The following MPDZ variants were observed in gnomAD, a reference collection of about 807,000 sequenced individuals.
MPDZ encodes multiple PDZ domain crumbs cell polarity complex component.
MPDZ carries 234 observed loss-of-function variants against 239.1 expected under a neutral mutation model. The observed-to-expected ratio is 0.98, with a 90% CI of 0.88 to 1.09. The LOEUF is 1.09. MPDZ is among the 50% of genes least tolerant of loss of function. MPDZ has a pLI of 0.00. For synonymous variants in MPDZ, 1,048 were observed against 881.3 expected (o/e 1.19, Z -3.35); for missense variants, 3,175 against 2,510.0 (o/e 1.26, Z -5.66).
At chr9:13,235,265 G>A (rs147101301) in intron 3 of MPDZ, among the ~76,000 whole-genome samples, 62 of 152,280 alleles carry the variant, frequency 4.1e-4, no homozygotes, top group African/African-American at 1.4e-3. Context: ...GTAGCTCCTA[G>A]CTCCTGAACT....
chr9:13,153,626 C>G (rs1367461664), intron 24 of MPDZ, among the ~76,000 whole-genome samples: 1 of 152,042 alleles, frequency 6.6e-6, no homozygotes, highest in Non-Finnish European at 1.5e-5. Context: ...GCATGAGCCA[C>G]CACAACTGTC....
At chr9:13,257,645 CAAT>C (rs1969752069) in intron 1 of MPDZ, among the ~76,000 whole-genome samples, 1 of 152,274 alleles carries the variant, frequency 6.6e-6, no homozygotes, top group East Asian at 1.9e-4. Flanking sequence ...TTTTCAAAGA[CAAT>C]GATAGTGGGA....
In MPDZ at chr9:13,237,511, G is replaced by A. The variant is rs1436465625; in HGVS notation, c.183+10124C>T. Among the ~76,000 whole-genome samples, 6 of 144,692 alleles carry A rather than the reference G, an allele frequency of 4.1e-5. No individual in the cohort carries two copies. In the East Asian group the frequency reaches 1.3e-3, roughly 30 times the overall value. The allele number at this position is 144,692 out of a possible 152,430, so 94.9% of individuals were successfully genotyped here. On this transcript the variant is annotated intron_variant, in intron 3 of 46. Transcript: ENST00000319217. ...GTTTATGCTGCATAATAAATTCAAT[G>A]ATTGTCTCACAGAAAACACTAATTT...
intron 10 of MPDZ, among the ~76,000 whole-genome samples, chr9:13,210,584 G>A (rs1057002837): frequency 6.6e-6 from 1 of 152,126 alleles, no homozygotes; most frequent in African/African-American, 2.4e-5. Context: ...TGCTTTGACA[G>A]TGGAGCCAGA....
rs763409793 is a variant in MPDZ at position 13,176,300 on chromosome 9, T to C, written c.2767A>G (p.Met923Val). Residue 923 changes from methionine (M) to valine (V), a missense_variant, in exon 20 of 47, where the codon ATG (methionine) becomes GTG (valine). Met to Val is a conservative substitution (Grantham distance 21). Coordinates refer to ENST00000319217, the MANE Select transcript of MPDZ (RefSeq NM_001378778.1). ...DENTPSVDIS[M>V]GPASGFTIND... ...ATAGTAAAGCCAGAAGCAGGCCCCATACTTATGTCCACCGAAGGTGTATTC... is the reference window on the plus strand; with the variant it reads ...ATAGTAAAGCCAGAAGCAGGCCCCACACTTATGTCCACCGAAGGTGTATTC... The C allele has an allele frequency of 1.8e-5, 29 of 1,610,356 alleles. No individual in the cohort carries two copies. In the East Asian group the frequency reaches 6.3e-4, roughly 35 times the overall value.
At chr9:13,201,800 A>T (rs1204940382) in intron 12 of MPDZ, among the ~76,000 whole-genome samples, 1 of 152,168 alleles carries the variant, frequency 6.6e-6, no homozygotes, top group African/African-American at 2.4e-5. Flanking sequence ...AGATACAAAG[A>T]TAAAAATAAA....
At chr9:13,131,711 A>T (rs1048478140) in intron 32 of MPDZ, among the ~76,000 whole-genome samples, 2 of 152,180 alleles carry the variant, frequency 1.3e-5, no homozygotes, top group African/African-American at 4.8e-5. Context: ...TAGAGGGTGG[A>T]TGCTGGGATC....
rs149204650 is a variant in MPDZ at position 13,174,618 on chromosome 9, A to T, written c.3055+1134T>A. Among the ~76,000 whole-genome samples, 969 of 152,302 alleles carry T rather than the reference A, an allele frequency of 6.4e-3. 27 individuals carry two copies. The South Asian group carries it at 0.08, about 13-fold the overall frequency. ...GAACTCATTTATAACTCCTATTAAC[A>T]TCCTACAAAACTAGTATTTTGAGTA... On this transcript the variant is annotated intron_variant, in intron 21 of 46. Transcript: ENST00000319217.
intron 3 of MPDZ, among the ~76,000 whole-genome samples, chr9:13,225,969 A>G (rs1186127469): frequency 6.6e-6 from 1 of 152,092 alleles, no homozygotes; most frequent in African/African-American, 2.4e-5. Context: ...CATGAGTTTA[A>G]CAGATTTCAG....
In MPDZ at chr9:13,224,235, A is replaced by C. The variant is rs1587928418; in HGVS notation, c.393+139T>G. 20 of 719,980 alleles carry C rather than the reference A, an allele frequency of 2.8e-5. No homozygotes were observed. The East Asian group carries it at 5.3e-4, about 19-fold the overall frequency. 44.6% of individuals were successfully genotyped at this position (719,980 alleles called of 1,614,324 possible). A position where few individuals can be genotyped will look rare whatever the true frequency, so the allele number is the denominator to read the frequency against. On this transcript the variant is annotated intron_variant, in intron 4 of 46. Transcript: ENST00000319217. The stretch of plus-strand genomic sequence containing the variant: ...AATAGAAAACGTCTGAACCATCTAA[A>C]CTCCCACAAAACTGACTTTTTGTTC...
chr9:13,180,197 CAAT>C, intron 19 of MPDZ, among the ~76,000 whole-genome samples: 1 of 152,098 alleles, frequency 6.6e-6, no homozygotes, highest in Non-Finnish European at 1.5e-5. Flanking sequence ...GATGTGAAGG[CAAT>C]AATATTTTAT....
chr9:13,169,366 T>C (rs1951495307), intron 21 of MPDZ, among the ~76,000 whole-genome samples: 1 of 152,106 alleles, frequency 6.6e-6, no homozygotes, highest in African/African-American at 2.4e-5. Flanking sequence ...TTTGGTAAAT[T>C]GCACTACCAC....
intron 24 of MPDZ, among the ~76,000 whole-genome samples, chr9:13,155,938 A>G (rs373431715): frequency 6.6e-6 from 1 of 152,320 alleles, no homozygotes; most frequent in East Asian, 1.9e-4. Context: ...TAAGGTTGTT[A>G]GCACCTTTAG....
intron 24 of MPDZ, among the ~76,000 whole-genome samples, chr9:13,152,216 G>A (rs962141818): frequency 1.3e-5 from 2 of 152,124 alleles, no homozygotes; most frequent in Middle Eastern, 3.2e-3. Flanking sequence ...GTCACTAACA[G>A]TCAAGACATG....
chr9:13,231,453 G>C (rs1962431887), intron 3 of MPDZ, among the ~76,000 whole-genome samples: 3 of 152,062 alleles, frequency 2.0e-5, no homozygotes, highest in Non-Finnish European at 4.4e-5. Flanking sequence ...CATAATCTCA[G>C]CTACTTGGGA....
At chr9:13,225,761 C>A (rs751229545) in intron 3 of MPDZ, among the ~76,000 whole-genome samples, 1 of 151,986 alleles carries the variant, frequency 6.6e-6, no homozygotes, top group Non-Finnish European at 1.5e-5. Flanking sequence ...GTATACCCTA[C>A]GATGTTTGCA....
chr9:13,254,586 G>C (rs1968957709), intron 1 of MPDZ, among the ~76,000 whole-genome samples: 1 of 152,050 alleles, frequency 6.6e-6, no homozygotes, highest in Non-Finnish European at 1.5e-5. Context: ...AAAAAAACAT[G>C]GTACAAGCAT....
intron 22 of MPDZ, among the ~76,000 whole-genome samples, chr9:13,166,146 T>C (rs1951049303): frequency 6.6e-6 from 1 of 152,104 alleles, no homozygotes; most frequent in Non-Finnish European, 1.5e-5. Flanking sequence ...GAGATGTGGA[T>C]GGAGCCTAGA....
At chr9:13,253,316 T>A (rs1372830754) in intron 1 of MPDZ, among the ~76,000 whole-genome samples, 7 of 152,092 alleles carry the variant, frequency 4.6e-5, no homozygotes, top group African/African-American at 1.7e-4. Flanking sequence ...TTTTCTATGC[T>A]TGGATGTCCC....
Sources: gnomAD v4.1 joint callset for allele counts (sites outside exome capture counted in the v4.1 genomes callset) on GRCh38, gnomAD v4.1.1 for gene constraint, MANE v1.5 for transcripts, NCBI Gene and HGNC (gene_info 2026-07-23, HGNC 2026-07-21) for gene names.